LRRC9: variants seen among roughly 807,000 people sequenced by gnomAD.
LRRC9 encodes the protein leucine-rich repeat-containing protein 9.
A neutral mutation model predicts 63.2 loss-of-function variants in LRRC9; 122 were observed. The observed-to-expected ratio is 1.93, with a 90% confidence interval of 1.67 to 2.24. The LOEUF (loss-of-function observed/expected upper bound fraction) is 2.24. LRRC9 is among the 30% of genes most tolerant of loss of function. The pLI is 0.00. For synonymous variants in LRRC9, 366 were observed against 213.1 expected (o/e 1.72, Z -6.25); for missense variants, 1,071 against 627.7 (o/e 1.71, Z -7.55).
At chr14:59,952,437 G>C (rs983805548) in intron 8 of LRRC9, among the ~76,000 whole-genome samples, 1 of 152,132 alleles carries the variant, frequency 6.6e-6, no homozygotes, top group African/African-American at 2.4e-5. Flanking sequence ...ACCTCAGATG[G>C]AAATGCAGAA....
At chr14:60,054,384 G>A (rs1484002014) in intron 30 of LRRC9, among the ~76,000 whole-genome samples, 1 of 151,806 alleles carries the variant, frequency 6.6e-6, no homozygotes, top group Non-Finnish European at 1.5e-5. Context: ...CTGGATAAAG[G>A]GCACTCTCTC....
chr14:60,040,951 C>A (rs1317384281), intron 29 of LRRC9, among the ~76,000 whole-genome samples: 1 of 151,828 alleles, frequency 6.6e-6, no homozygotes, highest in East Asian at 1.9e-4. Flanking sequence ...GTAAGGCAGG[C>A]CTGGTGGTGA....
intron 7 of LRRC9, among the ~76,000 whole-genome samples, chr14:59,941,514 T>C (rs1264108020): frequency 3.3e-5 from 5 of 151,914 alleles, no homozygotes; most frequent in Non-Finnish European, 7.4e-5. Context: ...TGTTTTGGGA[T>C]AATTAAATAA....
chr14:60,033,571 C>A (rs892939844), intron 29 of LRRC9, among the ~76,000 whole-genome samples: 1 of 151,970 alleles, frequency 6.6e-6, no homozygotes, highest in Admixed American at 6.6e-5. Context: ...TGGTAAATTA[C>A]GTTAATAGAC....
At chr14:59,993,341 C>T (rs1386788024) in intron 17 of LRRC9, among the ~76,000 whole-genome samples, 1 of 152,196 alleles carries the variant, frequency 6.6e-6, no homozygotes, top group African/African-American at 2.4e-5. Context: ...CAACCGGTAC[C>T]AGCCACTGCA....
intron 17 of LRRC9, among the ~76,000 whole-genome samples, chr14:59,995,726 T>TG (rs11430853): frequency 2.1e-4 from 3 of 14,462 alleles, no homozygotes; most frequent in East Asian, 5.0e-3. Context: ...AGAAGACAGG[T>TG]TTTTTTTTTG....
Position 60,053,824 on chromosome 14 carries a change from C to G in LRRC9, c.4131+619C>G. The G allele has an allele frequency of 2.4e-6, 1 of 417,862 alleles. No homozygotes were observed. The highest frequency in any genetic ancestry group is 1.8e-5 in the South Asian group (1 of 56,940). 25.9% of individuals were successfully genotyped at this position (417,862 alleles called of 1,614,324 possible). A position where few individuals can be genotyped will look rare whatever the true frequency, so the allele number is the denominator to read the frequency against. On this transcript the variant is annotated intron_variant, in intron 30 of 31. Transcript: ENST00000445360. This position sits in a 1 kb window ranked among gnomAD's most constrained non-coding sequence, Gnocchi z 4.8. Reference sequence around the variant, plus strand: ...CTTTGACCACCTAGTTTCTTCATGACCATCTTCTAAAGACTAAATTTAACA... The same window carrying G: ...CTTTGACCACCTAGTTTCTTCATGAGCATCTTCTAAAGACTAAATTTAACA...
At chr14:60,063,723 T>C (rs1188888529), downstream of LRRC9, among the ~76,000 whole-genome samples, 1 of 152,206 alleles carries the variant, frequency 6.6e-6, no homozygotes, top group Non-Finnish European at 1.5e-5. Context: ...AATGTCATTA[T>C]GAAAAGTCAT....
Position 60,034,343 on chromosome 14 carries a change from T to C in LRRC9, c.3990+2280T>C, listed in dbSNP as rs571436620. On this transcript the variant is annotated intron_variant, in intron 29 of 31. Coordinates refer to ENST00000445360, the Ensembl canonical transcript of LRRC9. Reference sequence around the variant, plus strand: ...GTAAATTTTTAATGTATTGCTGTCATAGTACTTTCATGAATTGTTTTTCAT... The same window carrying C: ...GTAAATTTTTAATGTATTGCTGTCACAGTACTTTCATGAATTGTTTTTCAT... Among the ~76,000 whole-genome samples, 234 of 152,248 alleles carry C rather than the reference T, an allele frequency of 1.5e-3. 1 individual carries two copies. Among genetic ancestry groups the C allele is most frequent in the Admixed American group, 3.6e-3 (55 of 15,278 alleles).
At chr14:60,029,646 TCTCTACTCCTCTATCC>T (rs1433152965) in intron 28 of LRRC9, among the ~76,000 whole-genome samples, 6 of 152,122 alleles carry the variant, frequency 3.9e-5, no homozygotes, top group Admixed American at 2.0e-4. Flanking sequence ...CTGCCCCACC[TCTCTACTCCTCTATCC>T]CTCTTAAGCA....
chr14:59,943,759 A>G (rs1882042192), intron 7 of LRRC9, among the ~76,000 whole-genome samples: 5 of 152,058 alleles, frequency 3.3e-5, no homozygotes, highest in Admixed American at 3.3e-4. Context: ...TATGCCAGAT[A>G]ATTATATTAG....
At chr14:60,022,237 A>G (rs774099592) in intron 26 of LRRC9, among the ~76,000 whole-genome samples, 25 of 151,862 alleles carry the variant, frequency 1.6e-4, no homozygotes, top group South Asian at 4.1e-4. Flanking sequence ...GAAGTATTTT[A>G]TTCTTTTTTA....
rs141423175 is a variant in LRRC9, at chr14:60,003,005, A to G, written c.2665-616A>G. On this transcript the variant is annotated intron_variant, in intron 20 of 31. Transcript: ENST00000445360. The surrounding 1 kb of genome is among the most constrained non-coding windows in gnomAD (Gnocchi z 4.2). ...TAGAACACTTGCAGCTTCTTGCTAC[A>G]TTAGGTGTCCTTATACCTCTTGCCA... Among the ~76,000 whole-genome samples, 24 of 152,342 alleles carry G rather than the reference A, an allele frequency of 1.6e-4. No individual in the cohort carries two copies. The highest frequency in any genetic ancestry group is 5.8e-4 in the African/African-American group (24 of 41,582).
chr14:59,989,303 C>G (rs1480453589), intron 17 of LRRC9, among the ~76,000 whole-genome samples: 2 of 151,924 alleles, frequency 1.3e-5, no homozygotes, highest in African/African-American at 4.8e-5. Context: ...GTGAAATCTT[C>G]TTTATCATCA....
At chr14:59,946,441 TATAG>T (rs1381432502) in intron 8 of LRRC9, among the ~76,000 whole-genome samples, 2 of 151,576 alleles carry the variant, frequency 1.3e-5, no homozygotes, top group Non-Finnish European at 1.5e-5. Context: ...AAATAATGGC[TATAG>T]ATATATACAA....
chr14:59,971,624 T>G (rs754197591), intron 12 of LRRC9, among the ~76,000 whole-genome samples: 1 of 152,140 alleles, frequency 6.6e-6, no homozygotes, highest in Non-Finnish European at 1.5e-5. Context: ...TTTAATCTTT[T>G]GCTCATAAGC....
intron 12 of LRRC9, among the ~76,000 whole-genome samples, chr14:59,967,503 T>C (rs1566825088): frequency 6.6e-6 from 1 of 152,224 alleles, no homozygotes; most frequent in Non-Finnish European, 1.5e-5. Context: ...TTAAATTGGT[T>C]ATAAATCTTT....
chr14:60,000,459 T>A (rs1889248740), intron 19 of LRRC9, among the ~76,000 whole-genome samples: 1 of 152,070 alleles, frequency 6.6e-6, no homozygotes, highest in Admixed American at 6.6e-5. Flanking sequence ...AGAAAATTAG[T>A]TTTTTAAAAA....
In LRRC9 at chr14:60,003,733, G is replaced by C; in HGVS notation, c.2777G>C (p.Gly926Ala). ...AATAATAATCTCACTAAAATGGAGG[G>C]TCTGGAATCCTGTATTAACTTGGAA... is the stretch of plus-strand genomic sequence containing the variant. Residue 926 changes from glycine to alanine, a missense_variant, in exon 21 of 32, where the codon GGT becomes GCT. Physicochemically the swap from Gly to Ala is moderately conservative, Grantham distance 60. Transcript: ENST00000445360. This position sits in a 1 kb window ranked among gnomAD's most constrained non-coding sequence, Gnocchi z 4.2. 1.4e-6 allele frequency: 1 copy of C among 692,776 alleles called. No homozygotes were observed. Among genetic ancestry groups the C allele is most frequent in the Non-Finnish European group, 2.6e-6 (1 of 381,666 alleles). The allele number at this position is 692,776 out of a possible 1,614,324, so 42.9% of individuals were successfully genotyped here. A position where few individuals can be genotyped will look rare whatever the true frequency, so the allele number is the denominator to read the frequency against.
Sources: gnomAD v4.1 joint callset for allele counts (sites outside exome capture counted in the v4.1 genomes callset) on GRCh38, gnomAD v4.1.1 for gene constraint, Gnocchi (gnomAD v3.1) non-coding constraint, MANE v1.5 for transcripts, NCBI Gene and HGNC (gene_info 2026-07-23, HGNC 2026-07-21) for gene names.